The following LRP5 variants were observed in gnomAD, a reference collection of about 807,000 sequenced individuals.
LRP5 encodes the protein LDL receptor related protein 5.
LRP5 carries 62 observed loss-of-function variants against 154.1 expected under a neutral mutation model. That is an observed-to-expected ratio of 0.40 (90% CI 0.33 to 0.50). LRP5 has a LOEUF of 0.50. Among genes scored for constraint, LRP5 ranks in the 20% least tolerant of loss-of-function variants. The pLI is 0.55. For synonymous variants in LRP5, 966 were observed against 1,011.5 expected, an observed-to-expected ratio of 0.96 and a Z score of 0.85; for missense variants, 1,915 against 2,336.7, an observed-to-expected ratio of 0.82 and a Z score of 3.72.
At chr11:68,431,231 CTTTTTT>C (rs34840282) in intron 17 of LRP5, among the ~76,000 whole-genome samples, 5 of 92,966 alleles carry the variant, frequency 5.4e-5, no homozygotes, top group Non-Finnish European at 1.0e-4. Context: ...GCTGTGCACC[CTTTTTT>C]TTTTTTTTTT....
At chr11:68,332,868 A>G (rs1340446140) in intron 1 of LRP5, among the ~76,000 whole-genome samples, 1 of 152,040 alleles carries the variant, frequency 6.6e-6, no homozygotes, top group Non-Finnish European at 1.5e-5. Flanking sequence ...GGGGGAGTAG[A>G]GCTATTCCTG....
intron 5 of LRP5, among the ~76,000 whole-genome samples, chr11:68,377,812 G>T (rs188608336): frequency 6.6e-6 from 1 of 152,212 alleles, no homozygotes; most frequent in African/African-American, 2.4e-5. Flanking sequence ...GGGGGTGGGC[G>T]TCCGGGCAGC....
At chr11:68,347,164 A>T (rs2098613773) in intron 1 of LRP5, among the ~76,000 whole-genome samples, 1 of 152,180 alleles carries the variant, frequency 6.6e-6, no homozygotes, top group South Asian at 2.1e-4. Flanking sequence ...TCTGCATGGC[A>T]CTGGCACAGG....
chr11:68,433,058 T>C (rs941982226), intron 17 of LRP5, among the ~76,000 whole-genome samples: 4 of 152,220 alleles, frequency 2.6e-5, no homozygotes, highest in Admixed American at 6.5e-5. Context: ...CTCTGCCGGC[T>C]CCTGCCTTGC....
rs1470530779 is a variant in LRP5 at position 68,406,769 on chromosome 11, G to A, written c.2047G>A (p.Asp683Asn). Reference sequence around the variant, plus strand: ...CAAGGAGGCCTCAGCCCTGGACTTTGATGTGTCCAACAACCACATCTACTG... The same window carrying A: ...CAAGGAGGCCTCAGCCCTGGACTTTAATGTGTCCAACAACCACATCTACTG... ...GVKEASALDF[D>N]VSNNHIYWTD... The change falls in exon 9 of 23, where the codon GAT (aspartate) becomes AAT (asparagine). Residue 683 changes from aspartate (D) to asparagine (N), a missense_variant. Transcript: ENST00000294304. The A allele has an allele frequency of 1.9e-5, 30 of 1,614,132 alleles. No homozygotes were observed. The highest frequency in any genetic ancestry group is 2.5e-5 in the Non-Finnish European group (30 of 1,180,046).
chr11:68,434,402 CAG>C (rs2098673758), intron 18 of LRP5, among the ~76,000 whole-genome samples: 1 of 151,270 alleles, frequency 6.6e-6, no homozygotes, highest in African/African-American at 2.4e-5. Context: ...TCATTCGAGA[CAG>C]AGTCTTGCTC....
chr11:68,401,841 G>A (rs1007553970), intron 7 of LRP5, among the ~76,000 whole-genome samples: 15 of 152,062 alleles, frequency 9.9e-5, no homozygotes, highest in African/African-American at 2.7e-4. Context: ...GGTGTGTGCC[G>A]CCATGCCCAG....
intron 18 of LRP5, among the ~76,000 whole-genome samples, chr11:68,434,776 C>T (rs1162839651): frequency 7.1e-6 from 1 of 140,482 alleles, no homozygotes; most frequent in East Asian, 1.9e-4. Flanking sequence ...TTGATGCCCT[C>T]GCTCTCCCAG....
At chr11:68,408,952 G>A (rs1477753455) in intron 9 of LRP5, among the ~76,000 whole-genome samples, 1 of 149,682 alleles carries the variant, frequency 6.7e-6, no homozygotes, top group Admixed American at 6.8e-5. Flanking sequence ...AGGAGGCTGA[G>A]TTGGGAGGAT....
chr11:68,322,630 G>A (rs1361516938), intron 1 of LRP5, among the ~76,000 whole-genome samples: 1 of 152,234 alleles, frequency 6.6e-6, no homozygotes, highest in African/African-American at 2.4e-5. Context: ...GGCTGTCTTC[G>A]TCTGCGCCCC....
chr11:68,307,171 A>G, the LRP5 span, among the ~76,000 whole-genome samples: 1 of 152,018 alleles, frequency 6.6e-6, no homozygotes, highest in African/African-American at 2.4e-5. Context: ...AACAAGAACA[A>G]AACTGCAACT....
chr11:68,390,157 A>G, intron 7 of LRP5, 105 bp downstream of exon 7: 1 of 1,358,832 alleles, frequency 7.4e-7, no homozygotes, highest in South Asian at 1.2e-5. Context: ...GTGCTCTGCT[A>G]TTTGGCCACA....
rs749683290 is a variant in LRP5, at chr11:68,390,050, G to A, written c.1582G>A (p.Glu528Lys). 5 of 1,614,260 alleles carry A rather than the reference G, an allele frequency of 3.1e-6. No individual in the cohort carries two copies. The highest frequency in any genetic ancestry group is 2.2e-5 in the South Asian group (2 of 91,084). ...YWGDAKTDKI[E>K]VINVDGTKRR... is the part of the protein sequence containing the mutation. ...GGGAGACGCCAAGACAGACAAGATCGAGGTGAGGCTCCTGTGGACATGTTT... is the reference window on the plus strand; with the variant it reads ...GGGAGACGCCAAGACAGACAAGATCAAGGTGAGGCTCCTGTGGACATGTTT... Residue 528 changes from glutamate to lysine, a missense_variant and splice_region_variant, in exon 7 of 23, where the codon GAG becomes AAG. This residue lies in a region of LRP5 where 773 missense variants were observed against 1,100.9 expected (regional missense o/e 0.70). Transcript: ENST00000294304.
At position 68,416,460 on chromosome 11, in the gene LRP5, T is replaced by G; in HGVS notation, c.2960T>G (p.Leu987Arg). ...GTCAAAGCCATCGACTATGACCCACTGGACAAGTTCATCTACTGGGTGGAT... is the reference window on the plus strand; with the variant it reads ...GTCAAAGCCATCGACTATGACCCACGGGACAAGTTCATCTACTGGGTGGAT... ...RNVKAIDYDP[L>R]DKFIYWVDGR... Residue 987 changes from leucine (L) to arginine (R), a missense_variant, in exon 13 of 23, where the codon CTG becomes CGG. Leu to Arg is a moderately radical substitution (Grantham distance 102, BLOSUM62 -2). Transcript: ENST00000294304. 1 of 1,614,118 alleles carries G rather than the reference T, an allele frequency of 6.2e-7. No individual in the cohort carries two copies. Among genetic ancestry groups the G allele is most frequent in the Non-Finnish European group, 8.5e-7 (1 of 1,180,026 alleles).
At chr11:68,324,235 C>T (rs111671767) in intron 1 of LRP5, among the ~76,000 whole-genome samples, 17 of 152,384 alleles carry the variant, frequency 1.1e-4, no homozygotes, top group African/African-American at 4.1e-4. Flanking sequence ...GCGGGCGGAA[C>T]AGCAGGCCAT....
chr11:68,412,623 C>G (rs1347268225), intron 11 of LRP5, among the ~76,000 whole-genome samples: 1 of 147,752 alleles, frequency 6.8e-6, no homozygotes, highest in Non-Finnish European at 1.5e-5. Flanking sequence ...CCAGCCTGGG[C>G]AATAGAGTGA....
Position 68,341,220 on chromosome 11 carries a change from CGT to C in LRP5, c.92-6624_92-6623del, listed in dbSNP as rs144168495. 3.6e-3 allele frequency among the ~76,000 whole-genome samples: 543 copies of C among 152,038 alleles called. 6 individuals are homozygous for C. Among genetic ancestry groups the C allele is most frequent in the African/African-American group, 0.013 (525 of 41,434 alleles). On this transcript the variant is annotated intron_variant, in intron 1 of 22. Transcript: ENST00000294304. ...ATGTTCATGATGCGGCAGTCACCAC[CGT>C]GTTTCTGAAAGGTTTGTTCTGCACT...
At chr11:68,448,765 G>A (rs1479872521) in intron 22 of LRP5, 44 bp from the exon 23 acceptor site, 18 of 1,599,590 alleles carry the variant, frequency 1.1e-5, no homozygotes, top group Non-Finnish European at 1.2e-5. Flanking sequence ...CACCAGGGCG[G>A]ATGTGCCTAC....
At chr11:68,432,976 G>A (rs3781584) in intron 17 of LRP5, among the ~76,000 whole-genome samples, 14,345 of 152,228 alleles carry the variant, frequency 0.094, 900 homozygotes, top group African/African-American at 0.17. Flanking sequence ...CGCCCTCCCC[G>A]GGGGTGTCCT....
Sources: allele counts gnomAD v4.1 joint callset (sites outside exome capture counted in the v4.1 genomes callset), GRCh38; gene constraint gnomAD v4.1.1; regional missense constraint gnomAD v4.1.1; transcripts MANE v1.5; gene names NCBI Gene and HGNC (gene_info 2026-07-23, HGNC 2026-07-21).